SNED1: variants seen among roughly 807,000 people sequenced by gnomAD.
The protein encoded by SNED1 is sushi, nidogen and EGF-like domain-containing protein 1.
In SNED1, 81 loss-of-function variants were observed where a neutral mutation model predicts 166.7. The observed-to-expected ratio is 0.49, with a 90% CI of 0.41 to 0.58. The LOEUF (loss-of-function observed/expected upper bound fraction) is 0.58, where lower values mean the gene tolerates loss of function less well. Ranked by LOEUF, SNED1 falls within the 20% of genes least tolerant of loss-of-function variation. The pLI, the probability that SNED1 is intolerant of heterozygous loss-of-function variation, is 0.00. For missense variants in SNED1, 1,604 were observed against 2,000.2 expected (o/e 0.80, Z 3.78); for synonymous variants, 762 against 822.0 (o/e 0.93, Z 1.25).
At chr2:241,025,495 C>T (rs1215286603) in intron 1 of SNED1, among the ~76,000 whole-genome samples, 6 of 152,164 alleles carry the variant, frequency 3.9e-5, no homozygotes, top group Non-Finnish European at 5.9e-5. Context: ...TGTCATCTTT[C>T]AATGTATATT....
At chr2:241,009,404 T>C (rs891254394) in intron 1 of SNED1, among the ~76,000 whole-genome samples, 2 of 152,040 alleles carry the variant, frequency 1.3e-5, no homozygotes, top group Admixed American at 1.3e-4. Flanking sequence ...CTGCTGACCA[T>C]AGGGACTGGT....
Position 241,053,295 on chromosome 2 carries a change from C to T in SNED1, c.2226C>T (p.His742=), listed in dbSNP as rs376197439. ...APSRIRVCQP[H]GVWSEPPQCL... ...GCCGCATCCGGGTCTGCCAGCCACA[C>T]GGTGTCTGGAGTGAGCCTCCCCAGT... The change falls in exon 16 of 32, where the codon CAC becomes CAT. Residue 742 remains histidine, a synonymous_variant. Coordinates refer to ENST00000310397, the MANE Select transcript of SNED1 (RefSeq NM_001080437.3). 1.0e-5 allele frequency: 16 copies of T among 1,596,936 alleles called. No homozygotes were observed. Among genetic ancestry groups the T allele is most frequent in the East Asian group, 2.2e-5 (1 of 44,586 alleles).
chr2:241,016,850 CTTTTT>C (rs5839783), intron 1 of SNED1, among the ~76,000 whole-genome samples: 1 of 125,806 alleles, frequency 7.9e-6, no homozygotes, highest in South Asian at 2.5e-4. Flanking sequence ...TTCTTTCTTT[CTTTTT>C]TTTTTTTTTT....
At position 241,064,794 on chromosome 2, in the gene SNED1, G is replaced by C; in HGVS notation, c.2600-50G>C. ...CAGGAGCAAGGGCGGGGCTGGAGCAGGGACCCCTGGCCACGCCCCAACATA... is the reference window on the plus strand; with the variant it reads ...CAGGAGCAAGGGCGGGGCTGGAGCACGGACCCCTGGCCACGCCCCAACATA... On this transcript the variant is annotated intron_variant, in intron 19 of 31. Coordinates refer to ENST00000310397, the MANE Select transcript of SNED1 (RefSeq NM_001080437.3). The surrounding 1 kb of genome is among the most constrained non-coding windows in gnomAD (Gnocchi z 7.0). 1 of 1,352,002 alleles carries C rather than the reference G, an allele frequency of 7.4e-7. No homozygotes were observed. Among genetic ancestry groups the C allele is most frequent in the African/African-American group, 1.5e-5 (1 of 65,430 alleles). The allele number at this position is 1,352,002 out of a possible 1,614,324, so 83.8% of individuals were successfully genotyped here. A position where few individuals can be genotyped will look rare whatever the true frequency, so the allele number is the denominator to read the frequency against.
At chr2:241,065,722 A>C in intron 21 of SNED1, 127 bp downstream of exon 21, 1 of 841,210 alleles carries the variant, frequency 1.2e-6, no homozygotes, top group Non-Finnish European at 1.8e-6. Flanking sequence ...CAAGACAGAC[A>C]GCTGAGCTGG....
rs2060472195 is a variant in SNED1 at position 241,013,259 on chromosome 2, T to A, written c.213+14209T>A. 6.6e-6 allele frequency among the ~76,000 whole-genome samples: 1 copy of A among 152,160 alleles called. No homozygotes were observed. Among genetic ancestry groups the A allele is most frequent in the Admixed American group, 6.5e-5 (1 of 15,274 alleles). On this transcript the variant is annotated intron_variant, in intron 1 of 31. Transcript: ENST00000310397. This position sits in a 1 kb window ranked among gnomAD's most constrained non-coding sequence, Gnocchi z 4.6. ...CCCCATTTCCCACCTCAGCCCCTGGTAACCATCCTTCTACTCTCTGCTTCT... is the reference window on the plus strand; with the variant it reads ...CCCCATTTCCCACCTCAGCCCCTGGAAACCATCCTTCTACTCTCTGCTTCT...
chr2:241,026,237 C>T (rs1042931388), intron 1 of SNED1, among the ~76,000 whole-genome samples: 3 of 152,046 alleles, frequency 2.0e-5, no homozygotes, highest in Admixed American at 6.6e-5. Context: ...AGGCTTGTCT[C>T]GAACCCCTGA....
chr2:241,052,690 C>G (rs921675342), intron 15 of SNED1, among the ~76,000 whole-genome samples: 20 of 982 alleles, frequency 0.02, no homozygotes, highest in East Asian at 0.057. Context: ...AGAGGGTCGG[C>G]GGGGGGGGGG....
At position 241,053,342 on chromosome 2, in the gene SNED1, C is replaced by G; in HGVS notation, c.2257+16C>G. The G allele has an allele frequency of 6.4e-7, 1 of 1,550,620 alleles. No individual in the cohort carries two copies. Among genetic ancestry groups the G allele is most frequent in the Non-Finnish European group, 8.7e-7 (1 of 1,146,192 alleles). ...CAGTGCCTTGGTGATTCTGTGGGCC[C>G]TTGGGGTGGGGCAGGTGGGGCCCAC... On this transcript the variant is annotated intron_variant, in intron 16 of 31. Transcript: ENST00000310397.
chr2:241,012,549 A>C (rs960141611), intron 1 of SNED1, among the ~76,000 whole-genome samples: 1 of 152,212 alleles, frequency 6.6e-6, no homozygotes, highest in Non-Finnish European at 1.5e-5. Context: ...CGTTGTATGA[A>C]TAGACCACAG....
At chr2:241,053,749 G>A (rs184086499) in intron 16 of SNED1, among the ~76,000 whole-genome samples, 2 of 152,334 alleles carry the variant, frequency 1.3e-5, no homozygotes, top group African/African-American at 2.4e-5. Flanking sequence ...CATTTGAGGA[G>A]TGCTGCTCCA....
chr2:241,053,675 C>A (rs1380459755), intron 16 of SNED1, among the ~76,000 whole-genome samples: 2 of 152,178 alleles, frequency 1.3e-5, no homozygotes, highest in African/African-American at 4.8e-5. Flanking sequence ...TCAGGACCTA[C>A]CTCTTACTCC....
rs200411327 is a variant in SNED1, at chr2:241,067,839, G to A, written c.3086G>A (p.Arg1029Lys). The A allele has an allele frequency of 5.5e-4, 893 of 1,613,370 alleles. 2 individuals are homozygous for A. Among genetic ancestry groups the A allele is most frequent in the Non-Finnish European group, 7.0e-4 (823 of 1,179,852 alleles). The change falls in exon 22 of 32, where the codon AGG becomes AAG. Residue 1029 changes from arginine (R) to lysine (K), a missense_variant. By Grantham distance (26) the Arg-to-Lys change is conservative (BLOSUM62 2). Coordinates refer to ENST00000310397, the MANE Select transcript of SNED1 (RefSeq NM_001080437.3). ...ATCTCAGTGCAGTGGGCCCTGCACA[G>A]GATCCGCCATGCCACCGTCAGTGGG... The part of the protein sequence containing the change: ...STISVQWALH[R>K]IRHATVSGVR...
rs963156968 is a variant in SNED1 at position 241,071,654 on chromosome 2, C to A, written c.3668C>A (p.Ala1223Glu). 6.4e-7 allele frequency: 1 copy of A among 1,569,452 alleles called. No homozygotes were observed. The highest frequency in any genetic ancestry group is 1.3e-5 in the African/African-American group (1 of 74,314). Reference sequence around the variant, plus strand: ...GTGCTCAAGAACAGACCGCCCCCGGCGCGCCTGCCGGAGCTGCGCCTGCTC... The same window carrying A: ...GTGCTCAAGAACAGACCGCCCCCGGAGCGCCTGCCGGAGCTGCGCCTGCTC... ...PRVLKNRPPPARLPELRLLND... is the reference protein window; with the variant it reads ...PRVLKNRPPPERLPELRLLND... The change falls in exon 25 of 32, where the codon GCG becomes GAG. Residue 1223 changes from alanine (A) to glutamate (E), a missense_variant. Around this residue, in one of 2 missense-constraint regions of SNED1, gnomAD observed 367 missense variants for 379.4 expected, o/e 0.97. Coordinates refer to ENST00000310397, the MANE Select transcript of SNED1 (RefSeq NM_001080437.3).
intron 1 of SNED1, among the ~76,000 whole-genome samples, chr2:241,026,074 G>A (rs1193612170): frequency 7.1e-5 from 9 of 126,488 alleles, no homozygotes; most frequent in Admixed American, 3.9e-4. Flanking sequence ...GGAGTGCAGT[G>A]GCACGATCTT....
chr2:241,042,030 C>T lies in SNED1; in HGVS notation c.1273+1617C>T, dbSNP rs908338486. 3.3e-5 allele frequency among the ~76,000 whole-genome samples: 5 copies of T among 152,148 alleles called. No homozygotes were observed. In the East Asian group the frequency reaches 7.7e-4, roughly 23 times the overall value. ...GCCCTACAATTGCCCCAGATTCTGC[C>T]TGGGGCAGTTTCCACTCCACTGTGC... On this transcript the variant is annotated intron_variant, in intron 8 of 31. Coordinates refer to ENST00000310397, the MANE Select transcript of SNED1 (RefSeq NM_001080437.3).
chr2:241,007,284 G>A (rs2060246995), intron 1 of SNED1, among the ~76,000 whole-genome samples: 1 of 152,238 alleles, frequency 6.6e-6, no homozygotes. Flanking sequence ...TCTTGTCAGA[G>A]AAGTGGCCAG....
intron 1 of SNED1, among the ~76,000 whole-genome samples, chr2:241,016,487 C>T (rs1038333555): frequency 9.3e-5 from 13 of 139,390 alleles, no homozygotes; most frequent in Non-Finnish European, 1.3e-4. Context: ...TGAGCCACCA[C>T]GCCCGGCCCA....
chr2:241,063,383 G>C (rs2125181031), intron 17 of SNED1: 2 of 600,540 alleles, frequency 3.3e-6, no homozygotes, highest in Middle Eastern at 5.2e-4. Flanking sequence ...TGGAGGTGGG[G>C]CTTTGCCAGC....
Sources: gnomAD v4.1 joint callset for allele counts (sites outside exome capture counted in the v4.1 genomes callset) on GRCh38, gnomAD v4.1.1 for gene constraint, gnomAD v4.1.1 regional missense constraint, Gnocchi (gnomAD v3.1) non-coding constraint, MANE v1.5 for transcripts, NCBI Gene and HGNC (gene_info 2026-07-23, HGNC 2026-07-21) for gene names.